Variants in SNX9 observed in about 807,000 individuals in gnomAD.
SNX9 encodes the protein sorting nexin-9.
Under a neutral mutation model 89.4 loss-of-function variants are expected in SNX9, and 44 were observed. That is an observed-to-expected ratio of 0.49 (90% CI 0.39 to 0.63). SNX9 has a LOEUF of 0.63. SNX9 is among the 30% of genes least tolerant of loss of function. SNX9 has a pLI of 0.00. For synonymous variants in SNX9, 236 were observed against 247.8 expected (o/e 0.95, Z 0.45); for missense variants, 578 against 736.1 (o/e 0.79, Z 2.49).
intron 4 of SNX9, among the ~76,000 whole-genome samples, chr6:157,878,647 G>A (rs991950094): frequency 1.3e-5 from 2 of 152,050 alleles, no homozygotes; most frequent in African/African-American, 4.8e-5. Flanking sequence ...TGGCCAGGCT[G>A]GTCTCAAACT....
rs377346954 is a variant in SNX9 at position 157,909,767 on chromosome 6, A to G, written c.808A>G (p.Ile270Val). ...CAAAATGTATGGTCTAAAGAGCTAC[A>G]TCGAATATCAGCTAACACCTACTGT... ...GSKMYGLKSY[I>V]EYQLTPTNTN... The change falls in exon 8 of 18, where the codon ATC becomes GTC. Residue 270 changes from isoleucine to valine, a missense_variant. Transcript: ENST00000392185. The G allele has an allele frequency of 1.3e-5, 21 of 1,614,102 alleles. No homozygotes were observed. The highest frequency in any genetic ancestry group is 1.6e-5 in the Non-Finnish European group (19 of 1,180,036).
intron 2 of SNX9, among the ~76,000 whole-genome samples, chr6:157,871,629 TAACA>T (rs1324225956): frequency 2.0e-5 from 3 of 152,206 alleles, no homozygotes; most frequent in Non-Finnish European, 2.9e-5. Flanking sequence ...TATACCTATG[TAACA>T]AACCTGCACG....
At chr6:157,875,201 A>G (rs747220561) in intron 4 of SNX9, 25 bp downstream of exon 4, 17 of 1,594,608 alleles carry the variant, frequency 1.1e-5, no homozygotes, top group Non-Finnish European at 1.4e-5. Context: ...CTCCTTCTGG[A>G]TGTGGCTGGC....
chr6:157,908,079 C>T (rs1783255920), intron 7 of SNX9, among the ~76,000 whole-genome samples: 1 of 152,036 alleles, frequency 6.6e-6, no homozygotes, highest in African/African-American at 2.4e-5. Flanking sequence ...TCCGCTTTTC[C>T]CATCTTCCTC....
intron 4 of SNX9, among the ~76,000 whole-genome samples, 194 bp downstream of exon 4, chr6:157,875,370 A>G (rs1230443148): frequency 6.6e-6 from 1 of 151,812 alleles, no homozygotes; most frequent in Non-Finnish European, 1.5e-5. Flanking sequence ...GACTGTTTGC[A>G]AAATTTATTA....
chr6:157,902,896 G>T (rs901601379), intron 6 of SNX9, among the ~76,000 whole-genome samples: 17 of 151,984 alleles, frequency 1.1e-4, no homozygotes, highest in African/African-American at 4.1e-4. Flanking sequence ...TCAAGCTCCT[G>T]GTCTCAAGTG....
intron 6 of SNX9, 141 bp from the exon 7 acceptor site, chr6:157,905,987 G>C: frequency 1.6e-6 from 1 of 611,532 alleles, no homozygotes; most frequent in Non-Finnish European, 2.8e-6. Context: ...GATTACATTA[G>C]GTTTCATTTA....
chr6:157,940,975 G>A lies in SNX9; in HGVS notation c.1740+1G>A. On this transcript the variant is annotated splice_donor_variant, in intron 17 of 17. Transcript: ENST00000392185. LOFTEE classifies it high-confidence loss of function. ...GCAGCAAGTGCAATTTTACGAAACGGTGAGTGGGCGTCCACGTGCCTTTCG... is the reference window on the plus strand; with the variant it reads ...GCAGCAAGTGCAATTTTACGAAACGATGAGTGGGCGTCCACGTGCCTTTCG... The A allele has an allele frequency of 6.2e-7, 1 of 1,613,940 alleles. No homozygotes were observed.
chr6:157,870,684 C>A (rs1052314698), intron 2 of SNX9, among the ~76,000 whole-genome samples: 1 of 150,704 alleles, frequency 6.6e-6, no homozygotes, highest in Non-Finnish European at 1.5e-5. Context: ...CAAGCACATA[C>A]ACCCTGCAGA....
At chr6:157,869,276 A>AT (rs780410474) in intron 2 of SNX9, among the ~76,000 whole-genome samples, 43 of 151,604 alleles carry the variant, frequency 2.8e-4, no homozygotes, top group Non-Finnish European at 2.4e-4. Flanking sequence ...AGATTTTTGT[A>AT]TTGCCGTCTC....
intron 1 of SNX9, among the ~76,000 whole-genome samples, chr6:157,866,894 A>C (rs1782274909): frequency 1.3e-5 from 2 of 152,004 alleles, no homozygotes; most frequent in South Asian, 4.2e-4. Flanking sequence ...TCCACTTCTT[A>C]CCTCCTAAGA....
At position 157,936,215 on chromosome 6, in the gene SNX9, G is replaced by A. The variant is rs568886376; in HGVS notation, c.1443+175G>A. ...TTTCTTAGGTTAAGACAAAGTGGAT[G>A]AATACATTTGTCATCAAGAAATCTA... On this transcript the variant is annotated intron_variant, in intron 14 of 17. Coordinates refer to ENST00000392185, the MANE Select transcript of SNX9 (RefSeq NM_016224.5). 2.0e-5 allele frequency among the ~76,000 whole-genome samples: 3 copies of A among 152,326 alleles called. No individual in the cohort carries two copies. In the East Asian group the frequency reaches 5.8e-4, roughly 29 times the overall value.
At chr6:157,867,423 CA>C in intron 1 of SNX9, 123 bp from the exon 2 acceptor site, 1 of 694,164 alleles carries the variant, frequency 1.4e-6, no homozygotes, top group Non-Finnish European at 2.4e-6. Flanking sequence ...TCCTTTCTTC[CA>C]AAACAGCCAC....
At chr6:157,896,766 G>A (rs1782984871) in intron 4 of SNX9, 61 bp from the exon 5 acceptor site, 2 of 1,578,100 alleles carry the variant, frequency 1.3e-6, no homozygotes, top group Admixed American at 1.8e-5. Context: ...GTTCATTATT[G>A]AATTGAGTCA....
chr6:157,857,120 A>G (rs889165514), intron 1 of SNX9, among the ~76,000 whole-genome samples: 2 of 152,190 alleles, frequency 1.3e-5, no homozygotes, highest in African/African-American at 4.8e-5. Flanking sequence ...AATTAGTTTT[A>G]TCATCATGAA....
Position 157,823,314 on chromosome 6 carries a change from G to T in SNX9, c.-121G>T. ...TCGGGGCCGAGGCGGAGGAGCGGCC[G>T]CCGCGCCGGGGCCCAGCCGGAGCCG... is the stretch of plus-strand genomic sequence containing the variant. On this transcript the variant is annotated 5_prime_UTR_variant, in exon 1 of 18. Transcript: ENST00000392185. This position sits in a 1 kb window ranked among gnomAD's most constrained non-coding sequence, Gnocchi z 4.6. The T allele has an allele frequency of 1.1e-6, 1 of 892,652 alleles. No individual in the cohort carries two copies. The highest frequency in any genetic ancestry group is 1.4e-6 in the Non-Finnish European group (1 of 703,654). 55.3% of individuals were successfully genotyped at this position (892,652 alleles called of 1,614,324 possible). A position where few individuals can be genotyped will look rare whatever the true frequency, so the allele number is the denominator to read the frequency against.
intron 1 of SNX9, among the ~76,000 whole-genome samples, chr6:157,837,037 C>T (rs766621954): frequency 6.6e-6 from 1 of 152,200 alleles, no homozygotes. Context: ...TCTGTGAGGC[C>T]GTAAATTGGG....
At chr6:157,920,094 T>C (rs74545334) in intron 9 of SNX9, among the ~76,000 whole-genome samples, 3,856 of 152,276 alleles carry the variant, frequency 0.025, 113 homozygotes, top group African/African-American at 0.069. Context: ...GGGGCTCCTG[T>C]CCTCTGTCAA....
chr6:157,828,610 C>G (rs1216824302), intron 1 of SNX9, among the ~76,000 whole-genome samples: 2 of 152,138 alleles, frequency 1.3e-5, no homozygotes, highest in East Asian at 3.9e-4. Flanking sequence ...CCTTCCACCT[C>G]AGTCTCCCAA....
Sources: gnomAD v4.1 joint callset for allele counts (sites outside exome capture counted in the v4.1 genomes callset) on GRCh38, gnomAD v4.1.1 for gene constraint, Gnocchi (gnomAD v3.1) non-coding constraint, MANE v1.5 for transcripts, NCBI Gene and HGNC (gene_info 2026-07-23, HGNC 2026-07-21) for gene names.